The following COL4A2 variants were observed in gnomAD, a reference collection of about 807,000 sequenced individuals.
The protein encoded by COL4A2 is collagen alpha-2(IV) chain.
In COL4A2, 99 loss-of-function variants were observed where a neutral mutation model predicts 200.2. The observed-to-expected ratio is 0.49, with a 90% CI of 0.42 to 0.58. The LOEUF is 0.58. Among genes scored for constraint, COL4A2 ranks in the 20% least tolerant of loss-of-function variants. The probability of loss-of-function intolerance (pLI) is 0.00; values close to 1 mark genes in which losing one functional copy is unlikely to be tolerated. For synonymous variants in COL4A2, 897 were observed against 900.6 expected (o/e 1.00, Z 0.07); for missense variants, 1,950 against 2,314.1 (o/e 0.84, Z 3.23).
intron 28 of COL4A2, among the ~76,000 whole-genome samples, chr13:110,470,288 A>G (rs950512045): frequency 6.6e-6 from 1 of 152,114 alleles, no homozygotes; most frequent in Non-Finnish European, 1.5e-5. Flanking sequence ...CCCGAGATGA[A>G]ACATCCTTCC....
At chr13:110,441,858 A>G (rs1881135470) in intron 16 of COL4A2, among the ~76,000 whole-genome samples, 1 of 151,866 alleles carries the variant, frequency 6.6e-6, no homozygotes, top group East Asian at 1.9e-4. Flanking sequence ...AGGTGAGTGG[A>G]TCATAGAGGT....
chr13:110,453,507 A>T (rs1453343170), intron 20 of COL4A2, among the ~76,000 whole-genome samples: 1 of 152,196 alleles, frequency 6.6e-6, no homozygotes, highest in Non-Finnish European at 1.5e-5. Context: ...ATCTCAATTT[A>T]AAAAAAGGAA....
At chr13:110,448,949 G>A (rs1468793396) in intron 18 of COL4A2, among the ~76,000 whole-genome samples, 12 of 152,324 alleles carry the variant, frequency 7.9e-5, no homozygotes, top group African/African-American at 2.2e-4. Context: ...GCTGCGGAGC[G>A]CAGCCCCCTG....
chr13:110,346,746 T>G (rs963951396), intron 3 of COL4A2, among the ~76,000 whole-genome samples: 1 of 152,184 alleles, frequency 6.6e-6, no homozygotes, highest in Non-Finnish European at 1.5e-5. Context: ...CCTGGGTGTT[T>G]GCTGTGTAGG....
intron 3 of COL4A2, among the ~76,000 whole-genome samples, chr13:110,353,605 T>C (rs1162091211): frequency 1.3e-5 from 2 of 152,150 alleles, no homozygotes; most frequent in African/African-American, 4.8e-5. Context: ...CAGAGACTTG[T>C]TGAGTTTTTA....
chr13:110,484,788 A>G (rs1883053913), intron 32 of COL4A2, 117 bp from the exon 33 acceptor site: 8 of 1,405,638 alleles, frequency 5.7e-6, no homozygotes, highest in Admixed American at 2.4e-5. Flanking sequence ...TCTCTCTCCA[A>G]GGCTTCCCTG....
At chr13:110,316,984 C>T (rs554841579) in intron 3 of COL4A2, among the ~76,000 whole-genome samples, 2 of 152,212 alleles carry the variant, frequency 1.3e-5, no homozygotes, top group African/African-American at 2.4e-5. Flanking sequence ...AGAACACACA[C>T]ATACATATGC....
chr13:110,387,820 C>A lies in COL4A2; in HGVS notation c.180+30268C>A, dbSNP rs566859007. On this transcript the variant is annotated intron_variant, in intron 4 of 47. Coordinates refer to ENST00000360467, the MANE Select transcript of COL4A2 (RefSeq NM_001846.4). ...CTCCCGCCCAGCTGCTGCAGCTGCT[C>A]AGAGCCACCTCGGCCTCCACCTCTG... Among the ~76,000 whole-genome samples, 10 of 152,212 alleles carry A rather than the reference C, an allele frequency of 6.6e-5. No homozygotes were observed. The East Asian group carries it at 1.5e-3, about 24-fold the overall frequency.
At chr13:110,436,415 A>G (rs759722457) in intron 13 of COL4A2, 48 bp downstream of exon 13, 6 of 1,589,940 alleles carry the variant, frequency 3.8e-6, no homozygotes, top group Non-Finnish European at 5.1e-6. Context: ...AAAAAAGGAG[A>G]GTAAAAGTAC....
rs774951014 is a variant in COL4A2 at position 110,485,875 on chromosome 13, C to T, written c.3207+39C>T. On this transcript the variant is annotated intron_variant, in intron 34 of 47. Transcript: ENST00000360467. Reference sequence around the variant, plus strand: ...TTTTACTCCCCTTGTTCTGTGAGCTCCTCTCCCCTTTGCTTGTGAATGGAC... The same window carrying T: ...TTTTACTCCCCTTGTTCTGTGAGCTTCTCTCCCCTTTGCTTGTGAATGGAC... 6 of 1,604,978 alleles carry T rather than the reference C, an allele frequency of 3.7e-6. No homozygotes were observed. In the Admixed American group the frequency reaches 5.3e-5, roughly 14 times the overall value.
rs543783193 is a variant in COL4A2 at position 110,461,120 on chromosome 13, C to T, written c.1597-994C>T. Among the ~76,000 whole-genome samples, 25 of 152,322 alleles carry T rather than the reference C, an allele frequency of 1.6e-4. No homozygotes were observed. The East Asian group carries it at 2.5e-3, about 15-fold the overall frequency. Reference sequence around the variant, plus strand: ...GAGCTAGACGCGATTTTCCAGGCTGCGATTTGAGAGTCCCTGCAGGCAGCT... The same window carrying T: ...GAGCTAGACGCGATTTTCCAGGCTGTGATTTGAGAGTCCCTGCAGGCAGCT... On this transcript the variant is annotated intron_variant, in intron 22 of 47. Coordinates refer to ENST00000360467, the MANE Select transcript of COL4A2 (RefSeq NM_001846.4).
chr13:110,467,226 A>C, intron 27 of COL4A2, 130 bp downstream of exon 27: 12 of 1,215,550 alleles, frequency 9.9e-6, no homozygotes, highest in East Asian at 2.7e-5. Context: ...CCAGCATCTC[A>C]GCACAAACTG....
chr13:110,472,413 A>G (rs572709289), intron 28 of COL4A2, among the ~76,000 whole-genome samples: 6 of 152,288 alleles, frequency 3.9e-5, no homozygotes, highest in Admixed American at 1.3e-4. Flanking sequence ...TTCATGGTCA[A>G]TACAACAGAG....
intron 28 of COL4A2, among the ~76,000 whole-genome samples, chr13:110,472,002 C>A (rs112592095): frequency 1.3e-5 from 2 of 152,138 alleles, no homozygotes; most frequent in African/African-American, 4.8e-5. Flanking sequence ...GCTGACTGCA[C>A]CGAAAAAGGA....
intron 3 of COL4A2, among the ~76,000 whole-genome samples, chr13:110,326,424 G>A (rs1885415055): frequency 6.6e-6 from 1 of 152,130 alleles, no homozygotes; most frequent in Admixed American, 6.5e-5. Flanking sequence ...CTCCCTAGTG[G>A]CAGCTGCCAG....
chr13:110,472,313 C>A (rs1274571744), intron 28 of COL4A2, among the ~76,000 whole-genome samples: 1 of 152,050 alleles, frequency 6.6e-6, no homozygotes, highest in East Asian at 1.9e-4. Context: ...GACGAGGTTT[C>A]ACCGTGTTAG....
chr13:110,436,508 G>T, intron 13 of COL4A2, 141 bp downstream of exon 13: 1 of 1,168,578 alleles, frequency 8.6e-7, no homozygotes. Flanking sequence ...AAACATAACC[G>T]GGTCCTCCCA....
chr13:110,399,311 T>A (rs1879291362), intron 4 of COL4A2, among the ~76,000 whole-genome samples: 2 of 152,178 alleles, frequency 1.3e-5, no homozygotes, highest in Non-Finnish European at 2.9e-5. Context: ...AGACACCTTG[T>A]TGAGAGATAA....
chr13:110,452,821 G>T (rs374967614), intron 20 of COL4A2, among the ~76,000 whole-genome samples: 1 of 152,084 alleles, frequency 6.6e-6, no homozygotes, highest in African/African-American at 2.4e-5. Flanking sequence ...GGAGTGCAGT[G>T]GTATGATCTC....
Sources: allele counts gnomAD v4.1 joint callset (sites outside exome capture counted in the v4.1 genomes callset), GRCh38; gene constraint gnomAD v4.1.1; transcripts MANE v1.5; gene names NCBI Gene and HGNC (gene_info 2026-07-23, HGNC 2026-07-21).